Variants in BMPER observed in about 807,000 individuals in gnomAD.
BMPER encodes the protein BMP-binding endothelial regulator protein.
Under a neutral mutation model 87.3 loss-of-function variants are expected in BMPER, and 45 were observed. The ratio of observed to expected loss-of-function variants is 0.52; its 90% CI spans 0.41 to 0.66. The LOEUF is 0.66. BMPER is among the 30% of genes least tolerant of loss of function. The probability of loss-of-function intolerance (pLI) is 0.00; values close to 1 mark genes in which losing one functional copy is unlikely to be tolerated. For synonymous variants in BMPER, 326 were observed against 316.2 expected (o/e 1.03, Z -0.33); for missense variants, 784 against 867.5 (o/e 0.90, Z 1.21).
At position 34,085,994 on chromosome 7, in the gene BMPER, A is replaced by T; in HGVS notation, c.1647A>T (p.Thr549=). Residue 549 remains threonine, a synonymous_variant, in exon 13 of 15, where the codon ACA becomes ACT. Transcript: ENST00000649409. ...CAGTGCCTGAACTGTGTCAAGGGAC[A>T]GTCAAGGTAAAGCTCCGGGCCCATC... The part of the protein sequence containing the change: ...RKPVPELCQG[T]VKVKLRAHRE... The T allele has an allele frequency of 6.2e-7, 1 of 1,614,210 alleles. No individual in the cohort carries two copies. Among genetic ancestry groups the T allele is most frequent in the Non-Finnish European group, 8.5e-7 (1 of 1,180,036 alleles).
At chr7:33,932,130 C>T (rs909778466) in intron 2 of BMPER, among the ~76,000 whole-genome samples, 2 of 152,128 alleles carry the variant, frequency 1.3e-5, no homozygotes, top group South Asian at 2.1e-4. Context: ...CTCTCAGAGT[C>T]GCCAGGCTGG....
chr7:34,018,801 A>G (rs747571186), intron 6 of BMPER, among the ~76,000 whole-genome samples: 168 of 152,112 alleles, frequency 1.1e-3, no homozygotes, highest in Non-Finnish European at 1.0e-3. Flanking sequence ...ACAAATTTCC[A>G]GGAGATAAAA....
intron 7 of BMPER, 63 bp from the exon 8 acceptor site, chr7:34,051,798 C>T (rs1433880724): frequency 1.8e-5 from 25 of 1,374,528 alleles, no homozygotes; most frequent in Middle Eastern, 1.8e-4. Flanking sequence ...ATGGAATCAC[C>T]GATGACAAAA....
At chr7:34,098,524 A>G (rs1474062546) in intron 13 of BMPER, among the ~76,000 whole-genome samples, 1 of 152,168 alleles carries the variant, frequency 6.6e-6, no homozygotes, top group African/African-American at 2.4e-5. Context: ...TTTTAACATG[A>G]AAGAGTTGTT....
chr7:34,004,696 A>T (rs1051798255), intron 6 of BMPER, among the ~76,000 whole-genome samples: 4 of 152,108 alleles, frequency 2.6e-5, no homozygotes, highest in African/African-American at 9.7e-5. Context: ...TCAGCTATTG[A>T]CTGGATAGAG....
chr7:33,968,642 C>T (rs775928997), intron 4 of BMPER, among the ~76,000 whole-genome samples: 1 of 152,106 alleles, frequency 6.6e-6, no homozygotes, highest in Non-Finnish European at 1.5e-5. Context: ...AAGCAGAAAG[C>T]CAAACTGTTA....
chr7:34,126,147 G>A (rs1790396010), intron 13 of BMPER, among the ~76,000 whole-genome samples: 1 of 152,232 alleles, frequency 6.6e-6, no homozygotes, highest in Admixed American at 6.5e-5. Context: ...GGGAATGAAT[G>A]TCTCAGCAGG....
intron 13 of BMPER, among the ~76,000 whole-genome samples, chr7:34,114,406 T>G (rs1335098580): frequency 6.6e-6 from 1 of 152,262 alleles, no homozygotes; most frequent in Non-Finnish European, 1.5e-5. Context: ...ACTGAGGTTC[T>G]TCTGCAGTTT....
intron 12 of BMPER, among the ~76,000 whole-genome samples, chr7:34,081,180 G>A (rs954944919): frequency 6.6e-6 from 1 of 152,170 alleles, no homozygotes; most frequent in African/African-American, 2.4e-5. Flanking sequence ...TCTATTTCCA[G>A]ACAATGGTGT....
chr7:34,058,944 T>A (rs1238634367), intron 10 of BMPER, among the ~76,000 whole-genome samples: 1 of 152,144 alleles, frequency 6.6e-6, no homozygotes, highest in Non-Finnish European at 1.5e-5. Flanking sequence ...CAAAAGTTGC[T>A]GTTTTTACTT....
intron 14 of BMPER, among the ~76,000 whole-genome samples, chr7:34,148,850 T>C (rs1182135208): frequency 6.6e-6 from 1 of 152,132 alleles, no homozygotes; most frequent in Admixed American, 6.5e-5. Context: ...GAGAAGTTTT[T>C]ATACTACCAG....
chr7:34,092,417 C>T (rs1789411560), intron 13 of BMPER, among the ~76,000 whole-genome samples: 1 of 152,172 alleles, frequency 6.6e-6, no homozygotes. Context: ...GATGTTTCTG[C>T]CCTGACTCTC....
chr7:33,984,427 T>C (rs1457336143), intron 6 of BMPER, among the ~76,000 whole-genome samples: 1 of 152,018 alleles, frequency 6.6e-6, no homozygotes, highest in Non-Finnish European at 1.5e-5. Context: ...ATCATGCCAC[T>C]GTACTCCAGC....
intron 3 of BMPER, among the ~76,000 whole-genome samples, chr7:33,939,092 T>C (rs1449594627): frequency 6.6e-6 from 1 of 152,154 alleles, no homozygotes; most frequent in Non-Finnish European, 1.5e-5. Context: ...CTTGGAAAGA[T>C]GCATTTACCG....
chr7:33,992,579 A>G (rs908810754), intron 6 of BMPER, among the ~76,000 whole-genome samples: 33 of 149,094 alleles, frequency 2.2e-4, no homozygotes, highest in African/African-American at 8.1e-4. Context: ...CCAATTTGCC[A>G]GTCTGTGTCT....
Position 34,156,415 on chromosome 7 carries a change from T to C in BMPER, c.*3142T>C, listed in dbSNP as rs1490114573. 6.6e-6 allele frequency among the ~76,000 whole-genome samples: 1 copy of C among 152,168 alleles called. No homozygotes were observed. Among genetic ancestry groups the C allele is most frequent in the East Asian group, 1.9e-4 (1 of 5,192 alleles). Reference sequence around the variant, plus strand: ...AATAAATAAAACCTAATAAATGCTGTCTCATGGTTGCACAGCTGTTTGTGG... The same window carrying C: ...AATAAATAAAACCTAATAAATGCTGCCTCATGGTTGCACAGCTGTTTGTGG... On this transcript the variant is annotated 3_prime_UTR_variant, in exon 15 of 15. Coordinates refer to ENST00000649409, the MANE Select transcript of BMPER (RefSeq NM_001365308.1).
intron 3 of BMPER, among the ~76,000 whole-genome samples, chr7:33,951,265 C>T (rs1785015823): frequency 1.3e-5 from 2 of 152,038 alleles, no homozygotes; most frequent in Admixed American, 1.3e-4. Context: ...CCAGGCTGGT[C>T]TTGAACTCCT....
intron 6 of BMPER, among the ~76,000 whole-genome samples, chr7:34,011,583 C>CAAAAAAAAAAA (rs36022297): frequency 8.0e-3 from 360 of 45,202 alleles, no homozygotes; most frequent in African/African-American, 0.011. Context: ...TTGGTCAGGG[C>CAAAAAAAAAAA]AAAAAAAAAA....
chr7:33,972,977 T>C (rs1181878339), intron 5 of BMPER, among the ~76,000 whole-genome samples: 1 of 152,166 alleles, frequency 6.6e-6, no homozygotes, highest in Non-Finnish European at 1.5e-5. Context: ...CCTTGGTCAC[T>C]CAGAAGGACT....
Sources: allele counts gnomAD v4.1 joint callset (sites outside exome capture counted in the v4.1 genomes callset), GRCh38; gene constraint gnomAD v4.1.1; transcripts MANE v1.5; gene names NCBI Gene and HGNC (gene_info 2026-07-23, HGNC 2026-07-21).